The following OR9G1 variants were observed in gnomAD, a reference collection of about 807,000 sequenced individuals.
OR9G1 encodes the protein olfactory receptor family 9 subfamily G member 1.
In OR9G1, 21 loss-of-function variants were observed where a neutral mutation model predicts 14.5. The observed-to-expected ratio is 1.45, with a 90% CI of 1.03 to 2.09. The LOEUF is 2.09. Ranked by LOEUF, OR9G1 falls within the 30% of genes most tolerant of loss-of-function variation. The pLI is 0.00. For missense variants in OR9G1, 476 were observed against 364.2 expected, an observed-to-expected ratio of 1.31 and a Z score of -2.50; for synonymous variants, 179 against 153.3, an observed-to-expected ratio of 1.17 and a Z score of -1.24.
rs1857667123 is a variant in OR9G1 at position 56,702,934 on chromosome 11, A to G, written c.*1629A>G. 1 of 152,314 alleles carries G rather than the reference A, an allele frequency of 6.6e-6. No homozygotes were observed. The highest frequency in any genetic ancestry group is 1.5e-5 in the Non-Finnish European group (1 of 68,058). The allele number at this position is 152,314 out of a possible 1,614,324, so 9.4% of individuals were successfully genotyped here. ...CATGTTCTCACCACAAAGCAGTGGT[A>G]AGTATATGAGGTGATGGACATAATA... is the stretch of plus-strand genomic sequence containing the variant. On this transcript the variant is annotated 3_prime_UTR_variant, in exon 2 of 2. Transcript: ENST00000642097.
rs1414418356 is a variant in OR9G1, at chr11:56,701,484, A to G, written c.*179A>G. ...TCGGACAAAAACATCTGAATATATA[A>G]GAATTTGAATTGAATTTCCTATCTC... On this transcript the variant is annotated 3_prime_UTR_variant, in exon 2 of 2. Transcript: ENST00000642097. 1.1e-6 allele frequency: 1 copy of G among 915,604 alleles called. No homozygotes were observed. The highest frequency in any genetic ancestry group is 1.7e-5 in the African/African-American group (1 of 58,304). The allele number at this position is 915,604 out of a possible 1,614,324, so 56.7% of individuals were successfully genotyped here. A position where few individuals can be genotyped will look rare whatever the true frequency, so the allele number is the denominator to read the frequency against.
intron 1 of OR9G1, among the ~76,000 whole-genome samples, chr11:56,700,052 G>A (rs544855411): frequency 2.3e-4 from 35 of 152,406 alleles, no homozygotes; most frequent in South Asian, 1.7e-3. Flanking sequence ...CTTAAAAATA[G>A]AAATGTACAC....
In OR9G1 at chr11:56,700,891, C is replaced by T. The variant is rs890998762; in HGVS notation, c.504C>T (p.Cys168=). The T allele has an allele frequency of 1.6e-5, 26 of 1,614,146 alleles. No homozygotes were observed. The highest frequency in any genetic ancestry group is 2.0e-5 in the Non-Finnish European group (24 of 1,180,020). Residue 168 remains cysteine, a synonymous_variant, in exon 2 of 2, where the codon TGC becomes TGT. Transcript: ENST00000642097. ...AGAAAACGTTTTCCTTTAACTTCTG[C>T]CGTGAAAACATCATTGATGACTTTT... ...ITKKTFSFNF[C]RENIIDDFFC...
rs527944438 is a variant in OR9G1 at position 56,703,818 on chromosome 11, C to T, written c.*2513C>T. 1 of 42,518 alleles carries T rather than the reference C, an allele frequency of 2.4e-5. No individual in the cohort carries two copies. Among genetic ancestry groups the T allele is most frequent in the South Asian group, 7.5e-4 (1 of 1,340 alleles). 2.6% of individuals were successfully genotyped at this position (42,518 alleles called of 1,614,324 possible). A position where few individuals can be genotyped will look rare whatever the true frequency, so the allele number is the denominator to read the frequency against. On this transcript the variant is annotated 3_prime_UTR_variant, in exon 2 of 2. Transcript: ENST00000642097. ...ATCCATATATTGTAAACATAGCTCG[C>T]TAAGTGCATATTCATATTATTTTAT...
chr11:56,701,086 C>CGT lies in OR9G1; in HGVS notation c.699_700insGT (p.Leu234ValfsTer12), dbSNP rs1857620840. On this transcript the variant is annotated frameshift_variant, in exon 2 of 2. Coordinates refer to ENST00000642097, the MANE Select transcript of OR9G1 (RefSeq NM_001005213.2). LOFTEE classifies it high-confidence loss of function. ...TGAGGATCTCCTCCTCCAAGGGCTA[C>CGT]CTCAAAGCCTTCTCCACATGCTCCT... is the stretch of plus-strand genomic sequence containing the variant. 4 of 1,614,162 alleles carry CGT rather than the reference C, an allele frequency of 2.5e-6. No individual in the cohort carries two copies. The highest frequency in any genetic ancestry group is 2.5e-6 in the Non-Finnish European group (3 of 1,180,044).
Position 56,702,165 on chromosome 11 carries a change from G to T in OR9G1, c.*860G>T, listed in dbSNP as rs1857652208. On this transcript the variant is annotated 3_prime_UTR_variant, in exon 2 of 2. Coordinates refer to ENST00000642097, the MANE Select transcript of OR9G1 (RefSeq NM_001005213.2). ...ATGTACAGGTGTGATTCAACAAAAG[G>T]ATATTTCACTTAGCATAATGTCTTC... The T allele has an allele frequency of 6.6e-6, 1 of 152,258 alleles. No homozygotes were observed. Among genetic ancestry groups the T allele is most frequent in the African/African-American group, 2.4e-5 (1 of 41,474 alleles). The allele number at this position is 152,258 out of a possible 1,614,324, so 9.4% of individuals were successfully genotyped here. A position where few individuals can be genotyped will look rare whatever the true frequency, so the allele number is the denominator to read the frequency against.
Position 56,699,193 on chromosome 11 carries a change from A to G in OR9G1, c.-19+3A>G, listed in dbSNP as rs982008388. The G allele has an allele frequency of 1.3e-5, 2 of 152,940 alleles. No individual in the cohort carries two copies. Among genetic ancestry groups the G allele is most frequent in the Admixed American group, 6.5e-5 (1 of 15,306 alleles). The allele number at this position is 152,940 out of a possible 1,614,324, so 9.5% of individuals were successfully genotyped here. A position where few individuals can be genotyped will look rare whatever the true frequency, so the allele number is the denominator to read the frequency against. On this transcript the variant is annotated splice_donor_region_variant and intron_variant, in intron 1 of 1. Transcript: ENST00000642097. ...AGAAGTAGAAGCAAACCAGACAGGT[A>G]TGACAACCTGAAAACCAAGTAAAGA...
rs1458444726 is a variant in OR9G1, at chr11:56,701,958, T to TA, written c.*654dup. 2.0e-5 allele frequency: 3 copies of TA among 152,318 alleles called. No individual in the cohort carries two copies. The East Asian group carries it at 5.8e-4, about 29-fold the overall frequency. The allele number at this position is 152,318 out of a possible 1,614,324, so 9.4% of individuals were successfully genotyped here. On this transcript the variant is annotated 3_prime_UTR_variant, in exon 2 of 2. Coordinates refer to ENST00000642097, the MANE Select transcript of OR9G1 (RefSeq NM_001005213.2). Reference sequence around the variant, plus strand: ...CCTCTTTATTTTACAGGGGTGAACTTACAAGGACTTTTACATTAAAATTGT... The same window carrying TA: ...CCTCTTTATTTTACAGGGGTGAACTTAACAAGGACTTTTACATTAAAATTGT...
In OR9G1 at chr11:56,700,753, C is replaced by T. The variant is rs142224554; in HGVS notation, c.366C>T (p.Tyr122=). The T allele has an allele frequency of 9.2e-5, 149 of 1,614,230 alleles. No individual in the cohort carries two copies. The highest frequency in any genetic ancestry group is 1.1e-4 in the Non-Finnish European group (132 of 1,179,986). The change falls in exon 2 of 2, where the codon TAC becomes TAT. Residue 122 remains tyrosine (Y), a synonymous_variant. Coordinates refer to ENST00000642097, the MANE Select transcript of OR9G1 (RefSeq NM_001005213.2). ...TGGCTGCCGTGGCTTATGACCGCTACGTGGCCATCTCCAAGCCCCTGCTTT... is the reference window on the plus strand; with the variant it reads ...TGGCTGCCGTGGCTTATGACCGCTATGTGGCCATCTCCAAGCCCCTGCTTT... ...YLLAAVAYDR[Y]VAISKPLLYA... is the part of the protein sequence containing the mutation.
Position 56,700,364 on chromosome 11 carries a change from C to G in OR9G1, c.-18-6C>G, listed in dbSNP as rs775223924. The G allele has an allele frequency of 1.1e-5, 18 of 1,612,820 alleles. No individual in the cohort carries two copies. The highest frequency in any genetic ancestry group is 1.4e-5 in the Non-Finnish European group (17 of 1,179,300). ...TGCAAACTGAGCTCATTTTCTTTCC[C>G]CATAGGTGAGATTCCTTACAGCCAT... On this transcript the variant is annotated splice_polypyrimidine_tract_variant and splice_region_variant and intron_variant, in intron 1 of 1. Coordinates refer to ENST00000642097, the MANE Select transcript of OR9G1 (RefSeq NM_001005213.2).
chr11:56,700,804 G>GTGTGCATTGC lies in OR9G1; in HGVS notation c.420_429dup (p.Val144CysfsTer14), dbSNP rs761880686. The GTGTGCATTGC allele has an allele frequency of 1.2e-6, 2 of 1,614,312 alleles. No homozygotes were observed. Among genetic ancestry groups the GTGTGCATTGC allele is most frequent in the East Asian group, 4.5e-5 (2 of 44,894 alleles). On this transcript the variant is annotated frameshift_variant, in exon 2 of 2. Transcript: ENST00000642097. LOFTEE classifies it high-confidence loss of function. Reference sequence around the variant, plus strand: ...ATGCCCAGGCCATGTCCATAAAGCTGTGTGCATTGCTGGTAGCAGTCTCAT... The same window carrying GTGTGCATTGC: ...ATGCCCAGGCCATGTCCATAAAGCTGTGTGCATTGCTGTGCATTGCTGGTAGCAGTCTCAT...
At chr11:56,699,674 GATTTTCAAGTCATCATA>G (rs1195780978) in intron 1 of OR9G1, among the ~76,000 whole-genome samples, 1 of 151,198 alleles carries the variant, frequency 6.6e-6, no homozygotes, top group South Asian at 2.1e-4. Context: ...AGAGTGGGTA[GATTTTCAAGTCATCATA>G]AGAAATACTG....
chr11:56,700,226 T>C, intron 1 of OR9G1, 144 bp from the exon 2 acceptor site: 1 of 1,030 alleles, frequency 9.7e-4, no homozygotes, highest in Non-Finnish European at 1.1e-3. Context: ...AAAGCCTGAT[T>C]GTTGCAAAAT....
At position 56,701,157 on chromosome 11, in the gene OR9G1, T is replaced by A. The variant is rs1284716690; in HGVS notation, c.770T>A (p.Ile257Asn). Residue 257 changes from isoleucine (I) to asparagine (N), a missense_variant, in exon 2 of 2, where the codon ATC becomes AAC. By Grantham distance (149) the Ile-to-Asn change is moderately radical. This residue lies in a region of OR9G1 where 352 missense variants were observed against 211.6 expected (regional missense o/e 1.66). Coordinates refer to ENST00000642097, the MANE Select transcript of OR9G1 (RefSeq NM_001005213.2). The part of the protein sequence containing the change: ...VTLYYGSILY[I>N]YALPRSSYSF... ...TTATACTATGGCTCCATTCTCTACA[T>A]CTACGCTCTCCCCAGATCTAGCTAT... 1.2e-6 allele frequency: 2 copies of A among 1,614,200 alleles called. No homozygotes were observed. The highest frequency in any genetic ancestry group is 1.7e-6 in the Non-Finnish European group (2 of 1,180,066).
Position 56,700,817 on chromosome 11 carries a change from G to T in OR9G1, c.430G>T (p.Val144Leu). 6.2e-7 allele frequency: 1 copy of T among 1,614,320 alleles called. No individual in the cohort carries two copies. Among genetic ancestry groups the T allele is most frequent in the Non-Finnish European group, 8.5e-7 (1 of 1,180,062 alleles). Residue 144 changes from valine to leucine, a missense_variant, in exon 2 of 2, where the codon GTA becomes TTA. This residue lies in a region of OR9G1 where 352 missense variants were observed against 211.6 expected (regional missense o/e 1.66). Transcript: ENST00000642097. ...GTCCATAAAGCTGTGTGCATTGCTG[G>T]TAGCAGTCTCATATTGTGGTGGCTT... ...AMSIKLCALL[V>L]AVSYCGGFIN...
In OR9G1 at chr11:56,700,954, C is replaced by T. The variant is rs770442188; in HGVS notation, c.567C>T (p.Gly189=). The change falls in exon 2 of 2, where the codon GGC becomes GGT. Residue 189 remains glycine (G), a synonymous_variant. Transcript: ENST00000642097. ...DLLPLVELAC[G]EKGGYKIMMY... ...TTCCCTTGGTGGAGCTGGCCTGTGG[C>T]GAGAAGGGCGGCTATAAAATTATGA... The T allele has an allele frequency of 1.0e-4, 164 of 1,614,218 alleles. No individual in the cohort carries two copies. The highest frequency in any genetic ancestry group is 1.6e-4 in the South Asian group (15 of 91,090).
rs369994525 is a variant in OR9G1, at chr11:56,701,447, A to G, written c.*142A>G. 3.3e-6 allele frequency: 4 copies of G among 1,209,022 alleles called. No homozygotes were observed. In the South Asian group the frequency reaches 5.7e-5, roughly 17 times the overall value. The allele number at this position is 1,209,022 out of a possible 1,614,324, so 74.9% of individuals were successfully genotyped here. On this transcript the variant is annotated 3_prime_UTR_variant, in exon 2 of 2. Coordinates refer to ENST00000642097, the MANE Select transcript of OR9G1 (RefSeq NM_001005213.2). ...AGTTACAGACATGTACAATAAGAAAATTAGGAAAATTTCGGACAAAAACAT... is the reference window on the plus strand; with the variant it reads ...AGTTACAGACATGTACAATAAGAAAGTTAGGAAAATTTCGGACAAAAACAT...
Position 56,701,070 on chromosome 11 carries a change from C to T in OR9G1, c.683C>T (p.Ser228Phe), listed in dbSNP as rs1857620129. 6.2e-7 allele frequency: 1 copy of T among 1,614,194 alleles called. No homozygotes were observed. The highest frequency in any genetic ancestry group is 8.5e-7 in the Non-Finnish European group (1 of 1,180,066). The change falls in exon 2 of 2, where the codon TCC becomes TTC. Residue 228 changes from serine to phenylalanine, a missense_variant. Physicochemically the swap from Ser to Phe is radical, Grantham distance 155 (BLOSUM62 -2). Transcript: ENST00000642097. ...ATCATCACCAGTGTCTTGAGGATCTCCTCCTCCAAGGGCTACCTCAAAGCC... is the reference window on the plus strand; with the variant it reads ...ATCATCACCAGTGTCTTGAGGATCTTCTCCTCCAAGGGCTACCTCAAAGCC... The part of the protein sequence containing the change: ...LFIITSVLRI[S>F]SSKGYLKAFS...
At position 56,701,123 on chromosome 11, in the gene OR9G1, T is replaced by G. The variant is rs772306891; in HGVS notation, c.736T>G (p.Ser246Ala). 1 of 1,614,202 alleles carries G rather than the reference T, an allele frequency of 6.2e-7. No homozygotes were observed. The highest frequency in any genetic ancestry group is 8.5e-7 in the Non-Finnish European group (1 of 1,180,068). Residue 246 changes from serine (S) to alanine (A), a missense_variant, in exon 2 of 2, where the codon TCT becomes GCT. Coordinates refer to ENST00000642097, the MANE Select transcript of OR9G1 (RefSeq NM_001005213.2). The stretch of plus-strand genomic sequence containing the variant: ...CTCCACATGCTCCTCCCACCTGACC[T>G]CTGTCACTTTATACTATGGCTCCAT... ...AFSTCSSHLT[S>A]VTLYYGSILY...
Sources: allele counts gnomAD v4.1 joint callset (sites outside exome capture counted in the v4.1 genomes callset), GRCh38; gene constraint gnomAD v4.1.1; regional missense constraint gnomAD v4.1.1; transcripts MANE v1.5; gene names NCBI Gene and HGNC (gene_info 2026-07-23, HGNC 2026-07-21).